Variants in NAALADL2 observed in about 807,000 individuals in gnomAD.
The protein encoded by NAALADL2 is N-acetylated alpha-linked acidic dipeptidase like 2.
NAALADL2 carries 76 observed loss-of-function variants against 87.2 expected under a neutral mutation model. The observed-to-expected ratio is 0.87, with a 90% CI of 0.72 to 1.05. NAALADL2 has a LOEUF of 1.05. Among genes scored for constraint, NAALADL2 ranks in the 50% least tolerant of loss-of-function variants. NAALADL2 has a pLI of 0.00. For missense variants in NAALADL2, 1,089 were observed against 945.8 expected (o/e 1.15, Z -1.99); for synonymous variants, 354 against 331.0 (o/e 1.07, Z -0.75).
intron 11 of NAALADL2, among the ~76,000 whole-genome samples, chr3:175,736,738 C>A (rs79063794): frequency 1.3e-5 from 2 of 152,290 alleles, no homozygotes; most frequent in East Asian, 3.9e-4. Context: ...GTTATGTATT[C>A]GTCAGTATGT....
At chr3:174,761,971 C>T (rs1560203266) in intron 3 of NAALADL2, among the ~76,000 whole-genome samples, 1 of 152,060 alleles carries the variant, frequency 6.6e-6, no homozygotes, top group Non-Finnish European at 1.5e-5. Flanking sequence ...CTGTGCTGCT[C>T]TTTAGAAGCA....
intron 11 of NAALADL2, among the ~76,000 whole-genome samples, chr3:175,629,404 A>G (rs541114767): frequency 1.3e-5 from 2 of 150,266 alleles, no homozygotes; most frequent in South Asian, 2.1e-4. Context: ...GAATTCAAAT[A>G]CAATGAATAT....
At chr3:175,547,789 CAT>C (rs1419009033) in intron 9 of NAALADL2, among the ~76,000 whole-genome samples, 1 of 141,676 alleles carries the variant, frequency 7.1e-6, no homozygotes, top group Non-Finnish European at 1.6e-5. Flanking sequence ...GACCAACAAT[CAT>C]ATGAAAAAAA....
intron 2 of NAALADL2, among the ~76,000 whole-genome samples, chr3:175,132,007 C>G (rs547156535): frequency 1.6e-5 from 2 of 125,416 alleles, no homozygotes; most frequent in Non-Finnish European, 3.4e-5. Context: ...CTGACCCCCC[C>G]ACCTCCCTCC....
chr3:174,540,383 C>T (rs984271881), intron 1 of NAALADL2, among the ~76,000 whole-genome samples: 1 of 152,182 alleles, frequency 6.6e-6, no homozygotes, highest in Admixed American at 6.5e-5. Flanking sequence ...TTTGCTTCCA[C>T]CTCCTCATTC....
intron 1 of NAALADL2, among the ~76,000 whole-genome samples, chr3:174,465,329 C>A (rs961201815): frequency 6.6e-6 from 1 of 152,104 alleles, no homozygotes; most frequent in African/African-American, 2.4e-5. Flanking sequence ...GTCTCCCAAG[C>A]CGGGACTGTT....
intron 6 of NAALADL2, among the ~76,000 whole-genome samples, chr3:175,457,348 C>T (rs531001107): frequency 5.3e-5 from 8 of 151,914 alleles, no homozygotes; most frequent in Admixed American, 3.9e-4. Context: ...AGGTGGTGGC[C>T]GCCAGGTCTC....
chr3:174,710,208 G>A (rs1258191988), intron 2 of NAALADL2, among the ~76,000 whole-genome samples: 2 of 148,722 alleles, frequency 1.3e-5, no homozygotes, highest in Non-Finnish European at 3.0e-5. Flanking sequence ...CTGGATGGTA[G>A]TCAACTAGTC....
chr3:174,506,545 A>C (rs1719217012), intron 1 of NAALADL2, among the ~76,000 whole-genome samples: 1 of 152,170 alleles, frequency 6.6e-6, no homozygotes. Context: ...ATTGATAAAC[A>C]TTTAGAATAT....
rs143643233 is a variant in NAALADL2, at chr3:174,785,459, C to T, written c.-9+47713C>T. On this transcript the variant is annotated intron_variant, in intron 3 of 3. Coordinates refer to the NAALADL2 transcript ENST00000434257. ...TGAAGATCAAATGGCTGTAGGTTTG[C>T]GACTTTATTTCTGGGTTCTCTATTC... Among the ~76,000 whole-genome samples, 252 of 152,186 alleles carry T rather than the reference C, an allele frequency of 1.7e-3. 4 individuals are homozygous for T. The East Asian group carries it at 0.032, about 19-fold the overall frequency.
chr3:174,809,986 A>T (rs1018860385), intron 3 of NAALADL2, among the ~76,000 whole-genome samples: 1 of 152,104 alleles, frequency 6.6e-6, no homozygotes, highest in Non-Finnish European at 1.5e-5. Context: ...CTGCTGTGGA[A>T]GATGCCTGCT....
chr3:174,861,656 CCAT>C lies in NAALADL2; in HGVS notation c.43+2209_43+2211del, dbSNP rs1187246108. ...TATTATGTAGATTATCATTGGAACT[CCAT>C]CAAGTGCTTTGAATAATGATTTTCT... is the stretch of plus-strand genomic sequence containing the variant. On this transcript the variant is annotated intron_variant, in intron 1 of 13. Transcript: ENST00000454872. Among the ~76,000 whole-genome samples, 20 of 152,038 alleles carry C rather than the reference CCAT, an allele frequency of 1.3e-4. No homozygotes were observed. In the East Asian group the frequency reaches 3.9e-3, roughly 29 times the overall value.
At chr3:174,983,819 G>A (rs1745456999) in intron 1 of NAALADL2, among the ~76,000 whole-genome samples, 1 of 152,176 alleles carries the variant, frequency 6.6e-6, no homozygotes, top group Non-Finnish European at 1.5e-5. Context: ...AAGTGGTACT[G>A]GCTGACAAGT....
chr3:174,936,397 A>C (rs1161345901), intron 1 of NAALADL2, among the ~76,000 whole-genome samples: 3 of 152,106 alleles, frequency 2.0e-5, no homozygotes, highest in Non-Finnish European at 4.4e-5. Flanking sequence ...TACACATGGA[A>C]TATTTTGTTA....
At chr3:175,022,694 C>A (rs1053681202) in intron 1 of NAALADL2, among the ~76,000 whole-genome samples, 8 of 152,076 alleles carry the variant, frequency 5.3e-5, no homozygotes, top group African/African-American at 1.9e-4. Flanking sequence ...GATACCAAAT[C>A]CTTGCCTGCC....
chr3:175,436,304 T>C (rs1427382778), intron 5 of NAALADL2, among the ~76,000 whole-genome samples: 1 of 148,994 alleles, frequency 6.7e-6, no homozygotes, highest in Non-Finnish European at 1.5e-5. Context: ...AATGCCGCAA[T>C]AAACATACGT....
intron 2 of NAALADL2, among the ~76,000 whole-genome samples, chr3:174,571,966 A>G (rs183403944): frequency 1.2e-4 from 19 of 152,338 alleles, no homozygotes; most frequent in African/African-American, 4.3e-4. Flanking sequence ...CAAACTTTTT[A>G]GAAAATAAAA....
chr3:175,447,578 A>T (rs1199665918), intron 6 of NAALADL2, among the ~76,000 whole-genome samples: 1 of 152,214 alleles, frequency 6.6e-6, no homozygotes, highest in East Asian at 1.9e-4. Context: ...AAAATGAGAG[A>T]TTAGAAAAAG....
chr3:175,416,823 T>G (rs745373237), intron 5 of NAALADL2, among the ~76,000 whole-genome samples: 34 of 151,990 alleles, frequency 2.2e-4, no homozygotes, highest in Non-Finnish European at 4.9e-4. Flanking sequence ...AAAAAAAGTG[T>G]GAAAACTGCA....
Sources: gnomAD v4.1 joint callset for allele counts (sites outside exome capture counted in the v4.1 genomes callset) on GRCh38, gnomAD v4.1.1 for gene constraint, MANE v1.5 for transcripts, NCBI Gene and HGNC (gene_info 2026-07-23, HGNC 2026-07-21) for gene names.